The following COMMD1 variants were observed in gnomAD, a reference collection of about 807,000 sequenced individuals.
The protein encoded by COMMD1 is COMM domain-containing protein 1.
In COMMD1, 10 loss-of-function variants were observed where a neutral mutation model predicts 17.2. The observed-to-expected ratio is 0.58, with a 90% CI of 0.36 to 0.99. The LOEUF (loss-of-function observed/expected upper bound fraction) is 0.99. Among genes scored for constraint, COMMD1 ranks in the 50% least tolerant of loss-of-function variants. The pLI is 0.01. For synonymous variants in COMMD1, 97 were observed against 91.6 expected, an observed-to-expected ratio of 1.06 and a Z score of -0.34; for missense variants, 270 against 231.8, an observed-to-expected ratio of 1.17 and a Z score of -1.07.
At chr2:61,938,280 C>CAAA (rs36082372) in intron 1 of COMMD1, among the ~76,000 whole-genome samples, 2 of 127,992 alleles carry the variant, frequency 1.6e-5, no homozygotes, top group Admixed American at 7.9e-5. Context: ...ATTAAGAGAC[C>CAAA]AAAAAAAAAA....
intron 2 of COMMD1, among the ~76,000 whole-genome samples, chr2:62,116,676 CAAAAAA>C (rs70962759): frequency 2.1e-4 from 6 of 28,540 alleles, no homozygotes; most frequent in African/African-American, 9.0e-4. Context: ...TGTCTCATTA[CAAAAAA>C]AAAAAAAAAA....
In COMMD1 at chr2:61,959,875, A is replaced by G. The variant is rs185778958; in HGVS notation, c.181-40826A>G. The stretch of plus-strand genomic sequence containing the variant: ...ATTTATAACCTGACACGTCTACCCT[A>G]CTGCTGTGTCCAGTTTCCATTGGCT... On this transcript the variant is annotated intron_variant, in intron 1 of 2. Transcript: ENST00000311832. 3.3e-4 allele frequency among the ~76,000 whole-genome samples: 50 copies of G among 152,324 alleles called. 1 individual carries two copies. Among genetic ancestry groups the G allele is most frequent in the African/African-American group, 1.1e-3 (46 of 41,566 alleles).
chr2:62,011,778 A>G (rs561111006), intron 2 of COMMD1, among the ~76,000 whole-genome samples: 1 of 152,304 alleles, frequency 6.6e-6, no homozygotes, highest in Non-Finnish European at 1.5e-5. Flanking sequence ...TGGAATGGCT[A>G]TCTTTACCCA....
intron 2 of COMMD1, among the ~76,000 whole-genome samples, chr2:62,004,861 A>G (rs1669067612): frequency 1.3e-5 from 2 of 152,196 alleles, no homozygotes; most frequent in South Asian, 2.1e-4. Flanking sequence ...CACTGCTGAC[A>G]TTGGATGAGC....
chr2:62,112,674 G>A (rs1014774092), intron 2 of COMMD1, among the ~76,000 whole-genome samples: 4 of 152,152 alleles, frequency 2.6e-5, no homozygotes, highest in Non-Finnish European at 5.9e-5. Flanking sequence ...TACAAGATAG[G>A]TATTATTTTT....
chr2:61,905,189 G>A (rs1669739733), upstream of COMMD1, among the ~76,000 whole-genome samples: 1 of 152,056 alleles, frequency 6.6e-6, no homozygotes. Context: ...TATATAAAAA[G>A]GCAATTAACA....
intron 1 of COMMD1, among the ~76,000 whole-genome samples, chr2:61,922,379 A>G (rs1046292832): frequency 7.9e-5 from 12 of 152,266 alleles, no homozygotes; most frequent in Non-Finnish European, 1.6e-4. Flanking sequence ...ATGCAATGGC[A>G]CGATATTGGC....
chr2:61,962,310 C>G (rs1050101495), intron 1 of COMMD1, among the ~76,000 whole-genome samples: 1 of 152,130 alleles, frequency 6.6e-6, no homozygotes. Context: ...GCCCCTGGTT[C>G]CTAGGACAGA....
intron 2 of COMMD1, among the ~76,000 whole-genome samples, chr2:62,052,323 T>C (rs1558578460): frequency 6.6e-6 from 1 of 152,088 alleles, no homozygotes; most frequent in Non-Finnish European, 1.5e-5. Flanking sequence ...TATAACCTGG[T>C]ATTTAAATAA....
intron 2 of COMMD1, among the ~76,000 whole-genome samples, chr2:62,097,311 C>T (rs1573182127): frequency 6.6e-6 from 1 of 152,240 alleles, no homozygotes; most frequent in East Asian, 1.9e-4. Context: ...CCTAGTAAGG[C>T]TTCAGGTCTT....
At chr2:62,107,508 A>G (rs1231816029) in intron 2 of COMMD1, among the ~76,000 whole-genome samples, 1 of 152,216 alleles carries the variant, frequency 6.6e-6, no homozygotes, top group Admixed American at 6.5e-5. Flanking sequence ...AGCCTTCTCC[A>G]TCCAGCTTCT....
At chr2:62,127,357 A>G (rs532078073) in intron 2 of COMMD1, among the ~76,000 whole-genome samples, 3 of 152,250 alleles carry the variant, frequency 2.0e-5, no homozygotes, top group Admixed American at 1.3e-4. Context: ...GACATTCTTC[A>G]TGGAATTAGA....
intron 2 of COMMD1, among the ~76,000 whole-genome samples, chr2:62,125,472 C>CA (rs1312322256): frequency 4.6e-5 from 7 of 151,814 alleles, no homozygotes; most frequent in African/African-American, 7.3e-5. Context: ...GATTTTTTTT[C>CA]TGTTTTGTTA....
rs545307535 is a variant in COMMD1 at position 62,085,363 on chromosome 2, G to A, written c.463-50468G>A. ...CTCCCCAGCAGCTGGAACTACAGGC[G>A]CCCACCGCCACACCCGGCTAATTTT... is the stretch of plus-strand genomic sequence containing the variant. On this transcript the variant is annotated intron_variant, in intron 2 of 2. Coordinates refer to ENST00000311832, the MANE Select transcript of COMMD1 (RefSeq NM_152516.4). Among the ~76,000 whole-genome samples the A allele has an allele frequency of 1.4e-4, 21 of 151,742 alleles. No individual in the cohort carries two copies. The South Asian group carries it at 4.4e-3, about 32-fold the overall frequency.
chr2:62,008,055 G>T (rs1348974828), intron 2 of COMMD1, among the ~76,000 whole-genome samples: 1 of 152,060 alleles, frequency 6.6e-6, no homozygotes, highest in African/African-American at 2.4e-5. Context: ...GATACTGCAT[G>T]TCTGTAATCC....
intron 2 of COMMD1, among the ~76,000 whole-genome samples, chr2:62,095,190 C>A (rs1343625402): frequency 6.6e-6 from 1 of 152,146 alleles, no homozygotes; most frequent in Non-Finnish European, 1.5e-5. Context: ...CTAGAAATGT[C>A]TTTCAGGCAT....
At chr2:61,906,044 C>T (rs997204640) in intron 1 of COMMD1, among the ~76,000 whole-genome samples, 186 bp downstream of exon 1, 1 of 152,210 alleles carries the variant, frequency 6.6e-6, no homozygotes, top group South Asian at 2.1e-4. Context: ...TCTCTCTTTC[C>T]TAAGGGGGAC....
chr2:61,943,013 G>A (rs868612613), intron 1 of COMMD1, among the ~76,000 whole-genome samples: 1 of 152,136 alleles, frequency 6.6e-6, no homozygotes, highest in Non-Finnish European at 1.5e-5. Flanking sequence ...AGACTTACCA[G>A]TTTGCAAACA....
chr2:61,987,401 A>G (rs1474394376), intron 1 of COMMD1, among the ~76,000 whole-genome samples: 1 of 152,088 alleles, frequency 6.6e-6, no homozygotes, highest in African/African-American at 2.4e-5. Flanking sequence ...ATTAAAGGGC[A>G]CCCCAAGTCC....
Sources: allele counts gnomAD v4.1 joint callset (sites outside exome capture counted in the v4.1 genomes callset), GRCh38; gene constraint gnomAD v4.1.1; transcripts MANE v1.5; gene names NCBI Gene and HGNC (gene_info 2026-07-23, HGNC 2026-07-21).